Variants in CELF2 observed in about 807,000 individuals in gnomAD.
CELF2 encodes CUGBP Elav-like family member 2.
Under a neutral mutation model 62.6 loss-of-function variants are expected in CELF2, and 8 were observed. The observed-to-expected ratio is 0.13, with a 90% CI of 0.07 to 0.23. CELF2 has a LOEUF of 0.23. Ranked by LOEUF, CELF2 falls within the 10% of genes least tolerant of loss-of-function variation. The pLI, the probability that CELF2 is intolerant of heterozygous loss-of-function variation, is 1.00. For synonymous variants in CELF2, 258 were observed against 250.0 expected (o/e 1.03, Z -0.30); for missense variants, 333 against 671.0 (o/e 0.50, Z 5.56).
At chr10:11,056,678 G>GC (rs1353895112) in intron 1 of CELF2, among the ~76,000 whole-genome samples, 1 of 152,200 alleles carries the variant, frequency 6.6e-6, no homozygotes, top group Admixed American at 6.5e-5. Flanking sequence ...GTAGAAATGA[G>GC]CCTTGTGAAA....
chr10:11,134,188 G>T (rs1233849181), intron 1 of CELF2, among the ~76,000 whole-genome samples: 1 of 152,226 alleles, frequency 6.6e-6, no homozygotes, highest in African/African-American at 2.4e-5. Flanking sequence ...AAAGCTAAGG[G>T]ATTAGAGGAG....
chr10:10,475,837 TC>T, the CELF2 span, among the ~76,000 whole-genome samples: 10 of 152,150 alleles, frequency 6.6e-5, no homozygotes. Context: ...AGTGCATTTT[TC>T]TTTGAGTGGG....
At chr10:10,819,086 G>A (rs2056743242) in intron 1 of CELF2, among the ~76,000 whole-genome samples, 1 of 152,132 alleles carries the variant, frequency 6.6e-6, no homozygotes, top group Non-Finnish European at 1.5e-5. Flanking sequence ...TTAATTCTGG[G>A]TAAATTCTTG....
the CELF2 span, among the ~76,000 whole-genome samples, chr10:10,487,954 A>G: frequency 6.6e-6 from 1 of 152,146 alleles, no homozygotes; most frequent in Non-Finnish European, 1.5e-5. Flanking sequence ...ATCATTACAT[A>G]ATCATTATGT....
intron 1 of CELF2, among the ~76,000 whole-genome samples, chr10:10,843,650 G>T (rs1269892617): frequency 1.3e-5 from 2 of 151,918 alleles, no homozygotes; most frequent in Non-Finnish European, 2.9e-5. Flanking sequence ...ACTGTGTTTG[G>T]ATGAAGTATT....
At chr10:10,740,463 G>A in the CELF2 span, among the ~76,000 whole-genome samples, 473 of 152,216 alleles carry the variant, frequency 3.1e-3, 2 homozygotes, top group African/African-American at 0.011. Flanking sequence ...TGGTAGGAGT[G>A]TAAATTGGTG....
At chr10:10,831,559 A>G (rs936178642) in intron 1 of CELF2, among the ~76,000 whole-genome samples, 2 of 152,196 alleles carry the variant, frequency 1.3e-5, no homozygotes, top group Non-Finnish European at 2.9e-5. Flanking sequence ...TCCACTATGG[A>G]CAAGGGGGCC....
chr10:10,861,291 C>A (rs923823317), intron 1 of CELF2, among the ~76,000 whole-genome samples: 1 of 152,098 alleles, frequency 6.6e-6, no homozygotes, highest in African/African-American at 2.4e-5. Context: ...CCAGGCTTGT[C>A]TCAAACTCCT....
In CELF2 at chr10:11,334,467, A is replaced by AAGAT. The variant is rs1317804468; in HGVS notation, c.*5416_*5419dup. On this transcript the variant is annotated 3_prime_UTR_variant, in exon 13 of 13. Transcript: ENST00000633077. ...TGTTTTTTTCTCTATGTTGTGTAAA[A>AAGAT]AGATACAGTCGATTCCACTTAAGTG... 5 of 152,758 alleles carry AAGAT rather than the reference A, an allele frequency of 3.3e-5. No homozygotes were observed. In the South Asian group the frequency reaches 6.2e-4, roughly 19 times the overall value. 9.5% of individuals were successfully genotyped at this position (152,758 alleles called of 1,614,324 possible).
At chr10:11,266,236 C>G (rs1222934444) in intron 5 of CELF2, among the ~76,000 whole-genome samples, 2 of 152,014 alleles carry the variant, frequency 1.3e-5, no homozygotes, top group East Asian at 3.9e-4. Flanking sequence ...CAGTAAAGAT[C>G]ATCAGTCAAG....
intron 2 of CELF2, chr10:10,960,403 A>T (rs1398957283): frequency 6.6e-6 from 1 of 152,244 alleles, no homozygotes; most frequent in Non-Finnish European, 1.5e-5. Context: ...CTGTAGAAAC[A>T]TTATACTGTT....
At chr10:10,708,271 C>T in the CELF2 span, among the ~76,000 whole-genome samples, 1 of 152,152 alleles carries the variant, frequency 6.6e-6, no homozygotes, top group Non-Finnish European at 1.5e-5. Context: ...CCAGAAGACA[C>T]TCTGGAATGC....
chr10:10,670,587 G>C, the CELF2 span, among the ~76,000 whole-genome samples: 1 of 152,104 alleles, frequency 6.6e-6, no homozygotes, highest in Non-Finnish European at 1.5e-5. Flanking sequence ...AGTGAACCTA[G>C]ATTGACACAT....
intron 1 of CELF2, among the ~76,000 whole-genome samples, chr10:10,897,200 T>G (rs560354099): frequency 1.3e-5 from 2 of 152,198 alleles, no homozygotes; most frequent in Non-Finnish European, 2.9e-5. Context: ...TATATCATCA[T>G]GAATAGATTG....
At chr10:10,975,887 C>G (rs1302375347) in intron 2 of CELF2, among the ~76,000 whole-genome samples, 1 of 152,196 alleles carries the variant, frequency 6.6e-6, no homozygotes, top group African/African-American at 2.4e-5. Context: ...ACACTAAGTC[C>G]TACTTGGCAA....
chr10:10,773,809 C>T, the CELF2 span, among the ~76,000 whole-genome samples: 2 of 152,220 alleles, frequency 1.3e-5, no homozygotes, highest in African/African-American at 4.8e-5. Flanking sequence ...CCCTCCTCTT[C>T]CTTCTTCACA....
At chr10:11,009,605 G>T (rs551525315) in intron 1 of CELF2, among the ~76,000 whole-genome samples, 60 of 152,248 alleles carry the variant, frequency 3.9e-4, no homozygotes, top group Non-Finnish European at 5.9e-4. Context: ...TGGAGAGAGG[G>T]TGACACCAGC....
intron 2 of CELF2, among the ~76,000 whole-genome samples, chr10:11,188,029 G>T (rs958759517): frequency 6.6e-6 from 1 of 152,076 alleles, no homozygotes; most frequent in Admixed American, 6.5e-5. Flanking sequence ...CAATCATCTG[G>T]TGGTAAATCC....
At chr10:10,694,183 A>G in the CELF2 span, among the ~76,000 whole-genome samples, 600 of 151,374 alleles carry the variant, frequency 4.0e-3, 2 homozygotes, top group Non-Finnish European at 6.3e-3. Context: ...ACTGCTTTCA[A>G]TGCGTCCCAG....
Sources: gnomAD v4.1 joint callset for allele counts (sites outside exome capture counted in the v4.1 genomes callset) on GRCh38, gnomAD v4.1.1 for gene constraint, MANE v1.5 for transcripts, NCBI Gene and HGNC (gene_info 2026-07-23, HGNC 2026-07-21) for gene names.